Variants in ALK observed in about 807,000 individuals in gnomAD.
The protein encoded by ALK is ALK tyrosine kinase receptor.
Under a neutral mutation model 163.1 loss-of-function variants are expected in ALK, and 74 were observed. That is an observed-to-expected ratio of 0.45 (90% confidence interval 0.38 to 0.55). The LOEUF (loss-of-function observed/expected upper bound fraction) is 0.55. Ranked by LOEUF, ALK falls within the 20% of genes least tolerant of loss-of-function variation. The pLI is 0.00. For missense variants in ALK, 2,063 were observed against 2,105.3 expected (o/e 0.98, Z 0.39); for synonymous variants, 960 against 843.2 (o/e 1.14, Z -2.40).
At chr2:29,470,666 T>C (rs1671325992) in intron 4 of ALK, among the ~76,000 whole-genome samples, 1 of 139,390 alleles carries the variant, frequency 7.2e-6, no homozygotes, top group African/African-American at 2.7e-5. Context: ...AAATAAGACA[T>C]TTCAGACAAA....
intron 4 of ALK, among the ~76,000 whole-genome samples, chr2:29,421,549 A>G (rs887017187): frequency 1.3e-5 from 2 of 151,520 alleles, no homozygotes; most frequent in African/African-American, 4.9e-5. Context: ...TTAAAAGCAC[A>G]GGCACGGACA....
chr2:29,842,855 A>G (rs1665737649), intron 1 of ALK, among the ~76,000 whole-genome samples: 1 of 152,202 alleles, frequency 6.6e-6, no homozygotes, highest in African/African-American at 2.4e-5. Context: ...CAGGTGGGGA[A>G]ATGAGTTGCA....
chr2:29,453,794 T>G (rs889478209), intron 4 of ALK, among the ~76,000 whole-genome samples: 1 of 152,004 alleles, frequency 6.6e-6, no homozygotes, highest in Non-Finnish European at 1.5e-5. Context: ...TTGGGAAAAT[T>G]TGAGGTATCC....
intron 1 of ALK, among the ~76,000 whole-genome samples, chr2:29,761,462 A>T (rs1341391606): frequency 2.0e-5 from 3 of 152,186 alleles, no homozygotes; most frequent in African/African-American, 7.2e-5. Flanking sequence ...TTCTCAGCTG[A>T]ATCTTGAGGG....
At chr2:29,603,522 T>C (rs1223325993) in intron 3 of ALK, among the ~76,000 whole-genome samples, 1 of 152,174 alleles carries the variant, frequency 6.6e-6, no homozygotes, top group South Asian at 2.1e-4. Flanking sequence ...TAGTTGTGCC[T>C]GCATTCCAAA....
chr2:29,731,427 T>C (rs939955128), intron 1 of ALK, among the ~76,000 whole-genome samples: 10 of 152,204 alleles, frequency 6.6e-5, no homozygotes, highest in African/African-American at 2.4e-4. Context: ...AAACTGCTTT[T>C]GGCAATGACT....
intron 4 of ALK, among the ~76,000 whole-genome samples, chr2:29,506,424 T>A (rs1054887498): frequency 2.1e-4 from 32 of 152,152 alleles, no homozygotes; most frequent in Admixed American, 1.4e-3. Context: ...CAGGGGATAA[T>A]GCTTTGCACT....
chr2:29,839,217 G>A (rs1665638926), intron 1 of ALK, among the ~76,000 whole-genome samples: 2 of 152,064 alleles, frequency 1.3e-5, no homozygotes, highest in Non-Finnish European at 2.9e-5. Flanking sequence ...GAGATGGCTG[G>A]GTCAAATTCC....
chr2:29,438,402 A>C (rs1244647785), intron 4 of ALK, among the ~76,000 whole-genome samples: 1 of 152,238 alleles, frequency 6.6e-6, no homozygotes, highest in Non-Finnish European at 1.5e-5. Flanking sequence ...TTAGTGCTGC[A>C]CTAATTGGAG....
At chr2:29,663,496 A>G (rs1038399837) in intron 3 of ALK, among the ~76,000 whole-genome samples, 1 of 152,148 alleles carries the variant, frequency 6.6e-6, no homozygotes, top group African/African-American at 2.4e-5. Context: ...AAGAAAGAGT[A>G]CAACCAGTGA....
intron 1 of ALK, among the ~76,000 whole-genome samples, chr2:29,910,864 ACT>A (rs1480427615): frequency 6.6e-6 from 1 of 152,176 alleles, no homozygotes; most frequent in Non-Finnish European, 1.5e-5. Context: ...ACAGATGGAA[ACT>A]CTGATTCAAC....
rs372901407 is a variant in ALK, at chr2:29,780,896, T to C, written c.668-63199A>G. 2.0e-5 allele frequency among the ~76,000 whole-genome samples: 3 copies of C among 152,348 alleles called. No individual in the cohort carries two copies. In the East Asian group the frequency reaches 5.8e-4, roughly 29 times the overall value. ...AGCAAAATGTTCTTTGATGACTTTC[T>C]AGAGGCCTAAGTGTAGTTTAAAGAA... is the stretch of plus-strand genomic sequence containing the variant. On this transcript the variant is annotated intron_variant, in intron 1 of 28. Transcript: ENST00000389048.
At chr2:29,896,705 G>A (rs1667282199) in intron 1 of ALK, among the ~76,000 whole-genome samples, 1 of 152,146 alleles carries the variant, frequency 6.6e-6, no homozygotes, top group Admixed American at 6.5e-5. Flanking sequence ...AGACAAGTGT[G>A]GAGCACCTCC....
intron 1 of ALK, among the ~76,000 whole-genome samples, chr2:29,825,602 C>A (rs1665174482): frequency 6.6e-6 from 1 of 152,150 alleles, no homozygotes; most frequent in African/African-American, 2.4e-5. Flanking sequence ...GGGCTTCAAA[C>A]TCCAGATTAA....
chr2:29,534,433 G>T (rs947908340), intron 3 of ALK, among the ~76,000 whole-genome samples: 1 of 152,154 alleles, frequency 6.6e-6, no homozygotes, highest in African/African-American at 2.4e-5. Context: ...AGTATCTCTG[G>T]GGACAGAGTC....
chr2:29,511,313 C>A (rs536580432), intron 4 of ALK, among the ~76,000 whole-genome samples: 1 of 152,226 alleles, frequency 6.6e-6, no homozygotes, highest in African/African-American at 2.4e-5. Flanking sequence ...TCCTGGGGAA[C>A]CACTGCCTTG....
intron 5 of ALK, among the ~76,000 whole-genome samples, chr2:29,332,428 G>C (rs1667473767): frequency 1.4e-5 from 2 of 147,260 alleles, no homozygotes; most frequent in Non-Finnish European, 3.0e-5. Flanking sequence ...CCAATCACCT[G>C]TCATTCCTCA....
At chr2:29,768,148 G>C (rs928783803) in intron 1 of ALK, among the ~76,000 whole-genome samples, 2 of 152,170 alleles carry the variant, frequency 1.3e-5, no homozygotes, top group African/African-American at 4.8e-5. Flanking sequence ...TGGCCACGTC[G>C]CTGGCTCTGC....
intron 13 of ALK, among the ~76,000 whole-genome samples, chr2:29,237,482 C>T (rs923554667): frequency 2.0e-5 from 3 of 152,172 alleles, no homozygotes; most frequent in African/African-American, 7.2e-5. Flanking sequence ...GTTCCTTGAG[C>T]ATCGATGAAC....
Sources: gnomAD v4.1 joint callset for allele counts (sites outside exome capture counted in the v4.1 genomes callset) on GRCh38, gnomAD v4.1.1 for gene constraint, MANE v1.5 for transcripts, NCBI Gene and HGNC (gene_info 2026-07-23, HGNC 2026-07-21) for gene names.